CDH13: variants seen among roughly 807,000 people sequenced by gnomAD.
The protein encoded by CDH13 is cadherin 13.
Under a neutral mutation model 63.8 loss-of-function variants are expected in CDH13, and 24 were observed. The ratio of observed to expected loss-of-function variants is 0.38; its 90% CI spans 0.27 to 0.53. The LOEUF is 0.53. Among genes scored for constraint, CDH13 ranks in the 20% least tolerant of loss-of-function variants. The pLI is 0.85. For missense variants in CDH13, 1,049 were observed against 903.1 expected, an observed-to-expected ratio of 1.16 and a Z score of -2.07; for synonymous variants, 503 against 355.3, an observed-to-expected ratio of 1.42 and a Z score of -4.67.
intron 5 of CDH13, among the ~76,000 whole-genome samples, chr16:83,263,311 G>C (rs991270010): frequency 1.3e-5 from 2 of 152,124 alleles, no homozygotes; most frequent in African/African-American, 2.4e-5. Flanking sequence ...TCAAACATTC[G>C]GAACATTTCC....
intron 2 of CDH13, among the ~76,000 whole-genome samples, chr16:82,993,161 T>C (rs1170101990): frequency 1.3e-5 from 2 of 152,232 alleles, no homozygotes; most frequent in Admixed American, 6.5e-5. Flanking sequence ...CTGCCCTCGA[T>C]ATCTGTTTCC....
At chr16:83,423,987 C>T (rs1358371938) in intron 6 of CDH13, among the ~76,000 whole-genome samples, 1 of 152,180 alleles carries the variant, frequency 6.6e-6, no homozygotes, top group African/African-American at 2.4e-5. Context: ...CCTGGGAAAC[C>T]AGTCTAGAAG....
chr16:83,154,890 A>G (rs780112260), intron 4 of CDH13, among the ~76,000 whole-genome samples: 14 of 152,226 alleles, frequency 9.2e-5, no homozygotes, highest in Admixed American at 2.0e-4. Flanking sequence ...AAGCTCTCAT[A>G]TTCAAAGTGG....
intron 13 of CDH13, among the ~76,000 whole-genome samples, chr16:83,784,383 C>G (rs1915737742): frequency 1.3e-5 from 2 of 152,022 alleles, no homozygotes; most frequent in Non-Finnish European, 1.5e-5. Context: ...TATAATCCCA[C>G]CACTTTGGGA....
intron 2 of CDH13, among the ~76,000 whole-genome samples, chr16:82,939,235 G>A (rs140720289): frequency 3.3e-5 from 5 of 152,180 alleles, no homozygotes; most frequent in Non-Finnish European, 5.9e-5. Context: ...ATCAGCCTGG[G>A]CAACATGGTG....
At chr16:83,247,821 C>T (rs1427551180) in intron 5 of CDH13, among the ~76,000 whole-genome samples, 2 of 152,114 alleles carry the variant, frequency 1.3e-5, no homozygotes, top group Non-Finnish European at 2.9e-5. Flanking sequence ...TAAATGCATC[C>T]CCTGGATATC....
At chr16:83,260,453 G>C (rs1275014217) in intron 5 of CDH13, among the ~76,000 whole-genome samples, 1 of 150,812 alleles carries the variant, frequency 6.6e-6, no homozygotes, top group Non-Finnish European at 1.5e-5. Context: ...AGTTCTGCGT[G>C]GCGCAGCCAT....
intron 6 of CDH13, among the ~76,000 whole-genome samples, chr16:83,425,402 C>T (rs1370994594): frequency 6.6e-6 from 1 of 152,234 alleles, no homozygotes; most frequent in East Asian, 1.9e-4. Context: ...TACCCTTGAA[C>T]CAGCCACTTA....
chr16:83,066,886 G>A (rs1022943097), intron 3 of CDH13, among the ~76,000 whole-genome samples: 3 of 152,178 alleles, frequency 2.0e-5, no homozygotes, highest in Non-Finnish European at 4.4e-5. Context: ...TAGAGTGAGT[G>A]CTTAAAGGCA....
intron 2 of CDH13, chr16:82,990,267 A>C (rs1461250010): frequency 6.6e-6 from 1 of 152,192 alleles, no homozygotes; most frequent in Non-Finnish European, 1.5e-5. Context: ...ATCCTAGAAA[A>C]AACATGCAAA....
intron 5 of CDH13, among the ~76,000 whole-genome samples, chr16:83,285,265 T>C (rs1025863337): frequency 1.3e-5 from 2 of 152,210 alleles, no homozygotes; most frequent in Non-Finnish European, 2.9e-5. Flanking sequence ...TCTGGGCTCA[T>C]GGTTTCCTGA....
chr16:83,538,071 A>T (rs1314014720), intron 7 of CDH13, among the ~76,000 whole-genome samples: 1 of 152,164 alleles, frequency 6.6e-6, no homozygotes, highest in African/African-American at 2.4e-5. Context: ...CAAGTTGAAT[A>T]TGCGCTATGT....
intron 6 of CDH13, among the ~76,000 whole-genome samples, chr16:83,371,312 C>G (rs1277332832): frequency 1.3e-5 from 2 of 152,220 alleles, no homozygotes; most frequent in Admixed American, 6.5e-5. Flanking sequence ...CAGTCACATT[C>G]TCCATCATTT....
intron 2 of CDH13, among the ~76,000 whole-genome samples, chr16:82,895,159 C>T (rs751969395): frequency 1.1e-4 from 16 of 152,186 alleles, no homozygotes; most frequent in Non-Finnish European, 5.9e-5. Context: ...AAAACATTTT[C>T]ATCACCCCAA....
intron 10 of CDH13, among the ~76,000 whole-genome samples, chr16:83,719,178 G>C (rs947553902): frequency 1.3e-5 from 2 of 152,190 alleles, no homozygotes; most frequent in Non-Finnish European, 2.9e-5. Flanking sequence ...AAGTAGAATT[G>C]CATTGAGCAG....
At chr16:83,791,370 C>G (rs191314446) in intron 13 of CDH13, among the ~76,000 whole-genome samples, 1 of 152,196 alleles carries the variant, frequency 6.6e-6, no homozygotes, top group East Asian at 1.9e-4. Context: ...GTGGCACACA[C>G]CTGTAATCCC....
intron 2 of CDH13, among the ~76,000 whole-genome samples, chr16:82,971,691 CTAGTCGTAGTATGGTACCAAA>C (rs1224147696): frequency 6.6e-6 from 1 of 152,166 alleles, no homozygotes; most frequent in Non-Finnish European, 1.5e-5. Context: ...TGGTTTCTTT[CTAGTCGTAGTATGGTACCAAA>C]TAGATAAGTC....
chr16:82,851,358 C>G (rs975186260), intron 1 of CDH13, among the ~76,000 whole-genome samples: 1 of 150,850 alleles, frequency 6.6e-6, no homozygotes, highest in Admixed American at 6.6e-5. Flanking sequence ...TTGCTTGAAC[C>G]CTGGAGGCGG....
At chr16:83,412,741 G>A (rs904266424) in intron 6 of CDH13, among the ~76,000 whole-genome samples, 1 of 152,202 alleles carries the variant, frequency 6.6e-6, no homozygotes, top group Non-Finnish European at 1.5e-5. Flanking sequence ...GAAGTCATGA[G>A]CCCCCTTAAG....
Sources: gnomAD v4.1 joint callset for allele counts (sites outside exome capture counted in the v4.1 genomes callset) on GRCh38, gnomAD v4.1.1 for gene constraint, MANE v1.5 for transcripts, NCBI Gene and HGNC (gene_info 2026-07-23, HGNC 2026-07-21) for gene names.